SAMD9L: variants seen among roughly 807,000 people sequenced by gnomAD.
The protein encoded by SAMD9L is sterile alpha motif domain containing 9 like.
Under a neutral mutation model 90.7 loss-of-function variants are expected in SAMD9L, and 68 were observed. The observed-to-expected ratio is 0.75, with a 90% CI of 0.62 to 0.92. SAMD9L has a LOEUF of 0.92. Among genes scored for constraint, SAMD9L ranks in the 40% least tolerant of loss-of-function variants. The pLI is 0.00. For missense variants in SAMD9L, 1,604 were observed against 1,824.3 expected (o/e 0.88, Z 2.20); for synonymous variants, 640 against 630.1 (o/e 1.02, Z -0.23).
In SAMD9L at chr7:93,131,106, C is replaced by T. The variant is rs1035946534; in HGVS notation, c.*111G>A. On this transcript the variant is annotated 3_prime_UTR_variant, in exon 5 of 5. Coordinates refer to ENST00000318238, the MANE Select transcript of SAMD9L (RefSeq NM_152703.5). The stretch of plus-strand genomic sequence containing the variant: ...TCATTCAGGGAGGCAAAAGCAAAAT[C>T]TGTAATTAGAGGTTAGCCATAATGT... The T allele has an allele frequency of 3.0e-6, 2 of 669,438 alleles. No homozygotes were observed. Among genetic ancestry groups the T allele is most frequent in the Admixed American group, 7.4e-5 (2 of 27,088 alleles). 41.5% of individuals were successfully genotyped at this position (669,438 alleles called of 1,614,324 possible). A position where few individuals can be genotyped will look rare whatever the true frequency, so the allele number is the denominator to read the frequency against.
At chr7:93,144,434 T>C (rs980478811) in intron 4 of SAMD9L, among the ~76,000 whole-genome samples, 17 of 152,224 alleles carry the variant, frequency 1.1e-4, no homozygotes, top group Non-Finnish European at 4.4e-5. Flanking sequence ...AATATTACAT[T>C]GTATTAGGCA....
intron 4 of SAMD9L, among the ~76,000 whole-genome samples, chr7:93,144,440 A>G (rs1034399420): frequency 2.0e-5 from 3 of 152,242 alleles, no homozygotes; most frequent in African/African-American, 4.8e-5. Flanking sequence ...ACATTGTATT[A>G]GGCATTATAA....
In SAMD9L at chr7:93,134,614, T is replaced by C. The variant is rs754637707; in HGVS notation, c.1358A>G (p.Asn453Ser). 1 of 1,614,044 alleles carries C rather than the reference T, an allele frequency of 6.2e-7. No homozygotes were observed. The highest frequency in any genetic ancestry group is 8.5e-7 in the Non-Finnish European group (1 of 1,179,938). The change falls in exon 5 of 5, where the codon AAT becomes AGT. Residue 453 changes from asparagine to serine, a missense_variant. This residue lies in a region of SAMD9L where 606 missense variants were observed against 717.6 expected (regional missense o/e 0.84). Coordinates refer to ENST00000318238, the MANE Select transcript of SAMD9L (RefSeq NM_152703.5). ...TTCTTTGTAAGCTTTGACCACTCCA[T>C]TGATCATAGATTCAGGATCAAACTC... ...VLEFDPESMI[N>S]GVVKAYKESR... is the part of the protein sequence containing the mutation.
intron 4 of SAMD9L, among the ~76,000 whole-genome samples, chr7:93,143,237 T>A (rs1174359961): frequency 6.6e-6 from 1 of 152,148 alleles, no homozygotes; most frequent in Non-Finnish European, 1.5e-5. Context: ...GTCTTAGAGG[T>A]TTCCCAATGG....
At position 93,133,752 on chromosome 7, in the gene SAMD9L, A is replaced by T; in HGVS notation, c.2220T>A (p.Tyr740Ter). 1 of 1,613,846 alleles carries T rather than the reference A, an allele frequency of 6.2e-7. No homozygotes were observed. The highest frequency in any genetic ancestry group is 8.5e-7 in the Non-Finnish European group (1 of 1,179,876). ...KPIFAKIINLYHHPGCGGTTL... is the reference protein window; with the variant it reads ...KPIFAKIINL Reference sequence around the variant, plus strand: ...TGGTACCTCCACAGCCTGGATGATGATAAAGATTGATGATTTTTGCAAATA... The same window carrying T: ...TGGTACCTCCACAGCCTGGATGATGTTAAAGATTGATGATTTTTGCAAATA... Residue 740 changes from tyrosine to a stop codon, truncating the protein, a stop_gained, in exon 5 of 5, where the codon TAT becomes TAA. Transcript: ENST00000318238. LOFTEE classifies it high-confidence loss of function.
intron 4 of SAMD9L, among the ~76,000 whole-genome samples, chr7:93,136,425 T>A (rs1792455771): frequency 6.6e-6 from 1 of 152,230 alleles, no homozygotes; most frequent in South Asian, 2.1e-4. Context: ...CACAGCTGGC[T>A]ATCTTTGTTA....
chr7:93,136,021 A>G (rs371510174), intron 4 of SAMD9L, 30 bp from the exon 5 acceptor site: 62 of 1,383,268 alleles, frequency 4.5e-5, no homozygotes, highest in Middle Eastern at 2.3e-4. Context: ...TAAGTATTTT[A>G]GAATTATACT....
chr7:93,132,447 A>G lies in SAMD9L; in HGVS notation c.3525T>C (p.Tyr1175=). The G allele has an allele frequency of 1.9e-6, 3 of 1,613,568 alleles. No individual in the cohort carries two copies. The highest frequency in any genetic ancestry group is 2.5e-6 in the Non-Finnish European group (3 of 1,179,770). The change falls in exon 5 of 5, where the codon TAT becomes TAC. Residue 1175 remains tyrosine, a synonymous_variant. Coordinates refer to ENST00000318238, the MANE Select transcript of SAMD9L (RefSeq NM_152703.5). ...ESQRQTDSKN[Y]ETENWSPQKS... ...TCTGTGGTGACCAGTTCTCGGTTTC[A>G]TAGTTTTTACTATCAGTTTGCCTTT...
rs751051783 is a variant in SAMD9L at position 93,131,354 on chromosome 7, T to C, written c.4618A>G (p.Thr1540Ala). Residue 1540 changes from threonine to alanine, a missense_variant, in exon 5 of 5, where the codon ACA (threonine) becomes GCA (alanine). Coordinates refer to ENST00000318238, the MANE Select transcript of SAMD9L (RefSeq NM_152703.5). ...ACTGGTATTTTTATTTTTTCCTCTG[T>C]TCCATATTCTACAGAGATTAGCTTG... ...EGKLISVEYG[T>A]EEKIKIPVIS... 6.2e-7 allele frequency: 1 copy of C among 1,613,714 alleles called. No individual in the cohort carries two copies. The highest frequency in any genetic ancestry group is 8.5e-7 in the Non-Finnish European group (1 of 1,179,814).
Position 93,133,965 on chromosome 7 carries a change from G to A in SAMD9L, c.2007C>T (p.Ile669=), listed in dbSNP as rs780259632. The change falls in exon 5 of 5, where the codon ATC becomes ATT. Residue 669 remains isoleucine (I), a synonymous_variant. Transcript: ENST00000318238. ...LCENECTETD[I]EKDKSKFLEF... is the part of the protein sequence containing the mutation. ...CCAGGAATTTAGATTTGTCTTTCTC[G>A]ATGTCTGTCTCTGTACACTCATTTT... is the stretch of plus-strand genomic sequence containing the variant. 24 of 1,613,360 alleles carry A rather than the reference G, an allele frequency of 1.5e-5. No individual in the cohort carries two copies. Among genetic ancestry groups the A allele is most frequent in the Non-Finnish European group, 1.8e-5 (21 of 1,179,750 alleles).
In SAMD9L at chr7:93,135,991, C is replaced by T; in HGVS notation, c.-20G>A. Reference sequence around the variant, plus strand: ...ACTCATATCAAAGCTTCAACTTCTTCCTGAGACAAAGCAATATAATAAGTA... The same window carrying T: ...ACTCATATCAAAGCTTCAACTTCTTTCTGAGACAAAGCAATATAATAAGTA... On this transcript the variant is annotated splice_region_variant and 5_prime_UTR_variant, in exon 5 of 5. Transcript: ENST00000318238. 1 of 1,523,896 alleles carries T rather than the reference C, an allele frequency of 6.6e-7. No homozygotes were observed. The highest frequency in any genetic ancestry group is 2.3e-5 in the East Asian group (1 of 43,652). 94.4% of individuals were successfully genotyped at this position (1,523,896 alleles called of 1,614,324 possible). A position where few individuals can be genotyped will look rare whatever the true frequency, so the allele number is the denominator to read the frequency against.
At chr7:93,141,376 T>C (rs1377610114) in intron 4 of SAMD9L, among the ~76,000 whole-genome samples, 1 of 152,226 alleles carries the variant, frequency 6.6e-6, no homozygotes, top group Non-Finnish European at 1.5e-5. Flanking sequence ...ATTAACATGA[T>C]CGGCCCTGGC....
In SAMD9L at chr7:93,135,512, C is replaced by A; in HGVS notation, c.460G>T (p.Gly154Cys). ...GTCAATTGTTCAGGTTTTAGCTTAC[C>A]CTTTTTCTTGTGTTTAGCATTTGCT... is the stretch of plus-strand genomic sequence containing the variant. ...EVANAKHKKK[G>C]KLKPEQLTCM... Residue 154 changes from glycine to cysteine, a missense_variant, in exon 5 of 5, where the codon GGT becomes TGT. Gly to Cys is a radical substitution (Grantham distance 159). Transcript: ENST00000318238. 1.2e-6 allele frequency: 2 copies of A among 1,614,042 alleles called. No homozygotes were observed. Among genetic ancestry groups the A allele is most frequent in the Non-Finnish European group, 8.5e-7 (1 of 1,179,960 alleles).
In SAMD9L at chr7:93,134,788, C is replaced by T; in HGVS notation, c.1184G>A (p.Gly395Glu). 3.1e-6 allele frequency: 5 copies of T among 1,612,446 alleles called. No individual in the cohort carries two copies. The highest frequency in any genetic ancestry group is 3.4e-6 in the Non-Finnish European group (4 of 1,179,158). ...GMKAMKKESE[G>E]LKLVKLLIGN... ...TATGAGAAGTTTAACCAGCTTTAGT[C>T]CTTCACTCTCCTTCTTCATTGCCTT... The change falls in exon 5 of 5, where the codon GGA becomes GAA. Residue 395 changes from glycine (G) to glutamate (E), a missense_variant. Physicochemically the swap from Gly to Glu is moderately conservative, Grantham distance 98. Transcript: ENST00000318238.
chr7:93,137,979 C>T (rs1792524599), intron 4 of SAMD9L, among the ~76,000 whole-genome samples: 1 of 152,080 alleles, frequency 6.6e-6, no homozygotes, highest in South Asian at 2.1e-4. Context: ...TGATTTACCC[C>T]ATCTATAGGC....
chr7:93,134,510 T>G lies in SAMD9L; in HGVS notation c.1462A>C (p.Asn488His), dbSNP rs747917120. Residue 488 changes from asparagine (N) to histidine (H), a missense_variant, in exon 5 of 5, where the codon AAT (asparagine) becomes CAT (histidine). Physicochemically the swap from Asn to His is moderately conservative, Grantham distance 68 (BLOSUM62 1). Transcript: ENST00000318238. ...ATCCAGCTGGGCTGTTGGTAAAGAT[T>G]AAGAGTAGAAATCTTCTCCCACATG... is the stretch of plus-strand genomic sequence containing the variant. ...TNMWEKISTL[N>H]LYQQPSWIFC... 1.9e-6 allele frequency: 3 copies of G among 1,613,886 alleles called. No individual in the cohort carries two copies. The highest frequency in any genetic ancestry group is 1.3e-5 in the African/African-American group (1 of 74,914).
Position 93,131,734 on chromosome 7 carries a change from A to C in SAMD9L, c.4238T>G (p.Val1413Gly). 6.2e-7 allele frequency: 1 copy of C among 1,613,770 alleles called. No homozygotes were observed. The highest frequency in any genetic ancestry group is 8.5e-7 in the Non-Finnish European group (1 of 1,179,830). Residue 1413 changes from valine (V) to glycine (G), a missense_variant, in exon 5 of 5, where the codon GTC becomes GGC. Coordinates refer to ENST00000318238, the MANE Select transcript of SAMD9L (RefSeq NM_152703.5). ...ATGACTTAGTCCTACAAATTGCAAGACCTCTCGGAGTTGTTTTTTTAGCGT... is the reference window on the plus strand; with the variant it reads ...ATGACTTAGTCCTACAAATTGCAAGCCCTCTCGGAGTTGTTTTTTTAGCGT... ...LTTLKKQLREVLQFVGLSHQY... is the reference protein window; with the variant it reads ...LTTLKKQLREGLQFVGLSHQY...
chr7:93,138,497 C>G (rs577925911), intron 4 of SAMD9L, among the ~76,000 whole-genome samples: 6 of 152,172 alleles, frequency 3.9e-5, no homozygotes, highest in African/African-American at 1.4e-4. Flanking sequence ...TTTTGTCAGA[C>G]ACAAGAAGGA....
rs756342171 is a variant in SAMD9L, at chr7:93,131,543, A to G, written c.4429T>C (p.Tyr1477His). The change falls in exon 5 of 5, where the codon TAT becomes CAT. Residue 1477 changes from tyrosine (Y) to histidine (H), a missense_variant. Tyr to His is a moderately conservative substitution (Grantham distance 83, BLOSUM62 2). Transcript: ENST00000318238. ...CRSKQASTLF[Y>H]LGKRKGLNSI... Reference sequence around the variant, plus strand: ...TTTAGACCCTTCCTTTTGCCCAGATAGAAAAGTGTGCTTGCCTGCTTGGAC... The same window carrying G: ...TTTAGACCCTTCCTTTTGCCCAGATGGAAAAGTGTGCTTGCCTGCTTGGAC... The G allele has an allele frequency of 1.2e-6, 2 of 1,613,996 alleles. No homozygotes were observed. Among genetic ancestry groups the G allele is most frequent in the Admixed American group, 3.3e-5 (2 of 59,992 alleles).
Sources: gnomAD v4.1 joint callset for allele counts (sites outside exome capture counted in the v4.1 genomes callset) on GRCh38, gnomAD v4.1.1 for gene constraint, gnomAD v4.1.1 regional missense constraint, MANE v1.5 for transcripts, NCBI Gene and HGNC (gene_info 2026-07-23, HGNC 2026-07-21) for gene names.